Variants in GRAMD1B observed in about 807,000 individuals in gnomAD.
GRAMD1B encodes GRAM domain containing 1B.
Under a neutral mutation model 99.7 loss-of-function variants are expected in GRAMD1B, and 37 were observed. The observed-to-expected ratio is 0.37, with a 90% CI of 0.29 to 0.49. GRAMD1B has a LOEUF of 0.49. Ranked by LOEUF, GRAMD1B falls within the 20% of genes least tolerant of loss-of-function variation. The probability of loss-of-function intolerance (pLI) is 0.98; values close to 1 mark genes in which losing one functional copy is unlikely to be tolerated. For missense variants in GRAMD1B, 888 were observed against 1,009.2 expected, an observed-to-expected ratio of 0.88 and a Z score of 1.63; for synonymous variants, 427 against 387.6, an observed-to-expected ratio of 1.10 and a Z score of -1.19.
intron 1 of GRAMD1B, among the ~76,000 whole-genome samples, chr11:123,464,095 G>A (rs543793815): frequency 6.6e-6 from 1 of 151,876 alleles, no homozygotes; most frequent in South Asian, 2.1e-4. Flanking sequence ...TTGAGCCGAG[G>A]AGCTCAAGAC....
intron 2 of GRAMD1B, among the ~76,000 whole-genome samples, chr11:123,519,041 C>T (rs1941946436): frequency 6.6e-6 from 1 of 152,202 alleles, no homozygotes; most frequent in African/African-American, 2.4e-5. Flanking sequence ...TGCTCTGCCC[C>T]CAAGCCTGCC....
intron 2 of GRAMD1B, among the ~76,000 whole-genome samples, chr11:123,548,319 T>TACACACACACACACAC (rs1276539105): frequency 3.8e-5 from 4 of 105,212 alleles, no homozygotes; most frequent in Non-Finnish European, 3.5e-5. Flanking sequence ...TATATATATA[T>TACACACACACACACAC]ATATATACAC....
chr11:123,606,995 T>C (rs1166436867), intron 11 of GRAMD1B, among the ~76,000 whole-genome samples, 197 bp downstream of exon 11: 1 of 152,192 alleles, frequency 6.6e-6, no homozygotes, highest in African/African-American at 2.4e-5. Context: ...CCATAGATAA[T>C]GCTTTGTTCT....
intron 12 of GRAMD1B, among the ~76,000 whole-genome samples, chr11:123,609,431 G>A (rs1225574667): frequency 1.3e-5 from 2 of 152,162 alleles, no homozygotes; most frequent in Non-Finnish European, 2.9e-5. Flanking sequence ...GCACGCTGAG[G>A]GCACGGGGAG....
intron 2 of GRAMD1B, among the ~76,000 whole-genome samples, chr11:123,486,443 G>A (rs1356652554): frequency 1.3e-5 from 2 of 151,988 alleles, no homozygotes; most frequent in Non-Finnish European, 2.9e-5. Context: ...CAGCTACTTG[G>A]GAGGCTGAGG....
At chr11:123,567,572 G>A (rs373207164) in intron 2 of GRAMD1B, among the ~76,000 whole-genome samples, 2 of 152,204 alleles carry the variant, frequency 1.3e-5, no homozygotes, top group Non-Finnish European at 2.9e-5. Flanking sequence ...AGTGGGTCAG[G>A]CTGTTTTGTC....
chr11:123,569,177 G>C (rs1048140845), intron 2 of GRAMD1B, among the ~76,000 whole-genome samples: 5 of 152,134 alleles, frequency 3.3e-5, no homozygotes, highest in African/African-American at 1.2e-4. Flanking sequence ...GGCCCTTTCA[G>C]CTCTTTCTCT....
intron 2 of GRAMD1B, among the ~76,000 whole-genome samples, chr11:123,562,689 C>T (rs1946904707): frequency 6.6e-6 from 1 of 152,162 alleles, no homozygotes; most frequent in African/African-American, 2.4e-5. Flanking sequence ...CATATAAACA[C>T]TCAGAATTTT....
At chr11:123,412,939 G>A (rs954719273) in intron 1 of GRAMD1B, among the ~76,000 whole-genome samples, 2 of 151,952 alleles carry the variant, frequency 1.3e-5, no homozygotes, top group African/African-American at 4.8e-5. Context: ...ATGTCATCAC[G>A]CCCGGCTAAT....
intron 7 of GRAMD1B, among the ~76,000 whole-genome samples, chr11:123,600,088 C>T (rs541438337): frequency 3.9e-5 from 6 of 152,280 alleles, no homozygotes; most frequent in Middle Eastern, 3.4e-3. Flanking sequence ...TGAAATAGGT[C>T]GGCAGATTAG....
chr11:123,540,075 CTT>C (rs57006285), intron 2 of GRAMD1B, among the ~76,000 whole-genome samples: 10 of 144,368 alleles, frequency 6.9e-5, no homozygotes, highest in Non-Finnish European at 7.6e-5. Context: ...TTCTATCTTC[CTT>C]TTTTTTTTTT....
chr11:123,605,417 C>T lies in GRAMD1B; in HGVS notation c.1262C>T (p.Pro421Leu), dbSNP rs1349732962. Residue 421 changes from proline to leucine, a missense_variant, in exon 10 of 20, where the codon CCC (proline) becomes CTC (leucine). By Grantham distance (98) the Pro-to-Leu change is moderately conservative (BLOSUM62 -3). Around this residue, in one of 5 missense-constraint regions of GRAMD1B, gnomAD observed 269 missense variants for 296.6 expected, o/e 0.91. Transcript: ENST00000635736. The stretch of plus-strand genomic sequence containing the variant: ...AAGCCAGATGCCAGTCCACAGCTGC[C>T]CAAGAAATCCATCACCAACAGCACA... ...ETKPDASPQL[P>L]KKSITNSTLT... 1 of 1,613,106 alleles carries T rather than the reference C, an allele frequency of 6.2e-7. No homozygotes were observed. The highest frequency in any genetic ancestry group is 1.7e-5 in the Admixed American group (1 of 59,936).
upstream of GRAMD1B, among the ~76,000 whole-genome samples, chr11:123,426,507 T>A (rs961877239): frequency 5.9e-5 from 9 of 152,338 alleles, no homozygotes; most frequent in African/African-American, 2.2e-4. Flanking sequence ...TTTCTGTCCG[T>A]ATTTCCAGCT....
intron 11 of GRAMD1B, chr11:123,608,213 G>C (rs75585623): frequency 0.021 from 8,487 of 413,222 alleles, 203 homozygotes; most frequent in African/African-American, 0.062. Flanking sequence ...TTCCAGATTA[G>C]TCTACGTTCC....
rs536940054 is a variant in GRAMD1B, at chr11:123,592,868, G to C, written c.685-1214G>C. Reference sequence around the variant, plus strand: ...GCACTTGATTTCATCTGTCACCCCCGGTGCTCCTCATTTGTGGGCACGTAT... The same window carrying C: ...GCACTTGATTTCATCTGTCACCCCCCGTGCTCCTCATTTGTGGGCACGTAT... On this transcript the variant is annotated intron_variant, in intron 4 of 19. Transcript: ENST00000635736. Among the ~76,000 whole-genome samples the C allele has an allele frequency of 4.1e-4, 63 of 152,054 alleles. No individual in the cohort carries two copies. In the South Asian group the frequency reaches 0.012, roughly 30 times the overall value.
intron 1 of GRAMD1B, among the ~76,000 whole-genome samples, chr11:123,471,212 A>T (rs1234636311): frequency 5.3e-5 from 8 of 152,234 alleles, no homozygotes; most frequent in African/African-American, 1.4e-4. Flanking sequence ...TCTCAGGAAC[A>T]TATAGTATTA....
chr11:123,481,828 C>T (rs1212223722), intron 2 of GRAMD1B, among the ~76,000 whole-genome samples: 1 of 152,158 alleles, frequency 6.6e-6, no homozygotes, highest in East Asian at 1.9e-4. Flanking sequence ...ATGGTATTGA[C>T]GTTAACCAAA....
rs1955488497 is a variant in GRAMD1B, at chr11:123,625,973, A to AGAGAGAGATAGAGAGATC, written c.*3387_*3388insAGAGAGATCGAGAGAGAT. 1 of 139,748 alleles carries AGAGAGAGATAGAGAGATC rather than the reference A, an allele frequency of 7.2e-6. No homozygotes were observed. The allele number at this position is 139,748 out of a possible 1,614,324, so 8.7% of individuals were successfully genotyped here. On this transcript the variant is annotated 3_prime_UTR_variant, in exon 20 of 20. Coordinates refer to ENST00000635736, the MANE Select transcript of GRAMD1B (RefSeq NM_001387025.1). ...GAGAGAGAGAGAGAGAGAGAGAGAGAGAGAGAGATCGAGCTTGATGTATTG... is the reference window on the plus strand; with the variant it reads ...GAGAGAGAGAGAGAGAGAGAGAGAGAGAGAGAGATAGAGAGATCGAGAGAGATCGAGCTTGATGTATTG...
At chr11:123,462,882 A>T (rs1157236141) in intron 1 of GRAMD1B, among the ~76,000 whole-genome samples, 8 of 103,372 alleles carry the variant, frequency 7.7e-5, no homozygotes, top group Non-Finnish European at 1.5e-4. Flanking sequence ...TATCAATAAA[A>T]AAATAAATTA....
Sources: allele counts gnomAD v4.1 joint callset (sites outside exome capture counted in the v4.1 genomes callset), GRCh38; gene constraint gnomAD v4.1.1; regional missense constraint gnomAD v4.1.1; transcripts MANE v1.5; gene names NCBI Gene and HGNC (gene_info 2026-07-23, HGNC 2026-07-21).